ARMC1: variants seen among roughly 807,000 people sequenced by gnomAD.
ARMC1 encodes armadillo repeat containing 1, also known as armadillo repeat-containing protein 1.
In ARMC1, 16 loss-of-function variants were observed where a neutral mutation model predicts 31.4. That is an observed-to-expected ratio of 0.51 (90% CI 0.34 to 0.77). The LOEUF is 0.77. ARMC1 is among the 30% of genes least tolerant of loss of function. The probability of loss-of-function intolerance (pLI) is 0.01; values close to 1 mark genes in which losing one functional copy is unlikely to be tolerated. For synonymous variants in ARMC1, 114 were observed against 118.9 expected, an observed-to-expected ratio of 0.96 and a Z score of 0.27; for missense variants, 259 against 347.5, an observed-to-expected ratio of 0.75 and a Z score of 2.02.
At chr8:65,606,467 T>C (rs1808007531) in intron 4 of ARMC1, among the ~76,000 whole-genome samples, 2 of 152,202 alleles carry the variant, frequency 1.3e-5, no homozygotes, top group African/African-American at 4.8e-5. Context: ...TAGTGAGCAT[T>C]CAGTGTTTAA....
At chr8:65,628,215 C>T (rs1808555069) in intron 1 of ARMC1, among the ~76,000 whole-genome samples, 1 of 151,898 alleles carries the variant, frequency 6.6e-6, no homozygotes, top group Admixed American at 6.6e-5. Context: ...AACTCATCAG[C>T]AGTCTTTCCA....
At chr8:65,632,385 G>A (rs937158811) in intron 1 of ARMC1, among the ~76,000 whole-genome samples, 1 of 152,002 alleles carries the variant, frequency 6.6e-6, no homozygotes, top group African/African-American at 2.4e-5. Context: ...AGGCCGAGGC[G>A]AGCGGATTAC....
chr8:65,607,845 TTTTA>T (rs1436790539), intron 4 of ARMC1, among the ~76,000 whole-genome samples: 11 of 152,298 alleles, frequency 7.2e-5, no homozygotes, highest in Admixed American at 5.9e-4. Context: ...CTTTAATTTT[TTTTA>T]TTAAGTCTTG....
intron 2 of ARMC1, among the ~76,000 whole-genome samples, chr8:65,623,873 C>G (rs1463761134): frequency 7.7e-6 from 1 of 130,040 alleles, no homozygotes; most frequent in Non-Finnish European, 1.6e-5. Context: ...ACTCGGCCTA[C>G]TGCAACCTCC....
At chr8:65,618,909 G>A (rs1286906271) in intron 3 of ARMC1, among the ~76,000 whole-genome samples, 2 of 152,018 alleles carry the variant, frequency 1.3e-5, no homozygotes, top group Non-Finnish European at 2.9e-5. Flanking sequence ...CGGGCGTGGT[G>A]GCACGTACCT....
In ARMC1 at chr8:65,602,562, G is replaced by T. The variant is rs1048507349; in HGVS notation, c.*1832C>A. 6.6e-6 allele frequency: 1 copy of T among 152,114 alleles called. No individual in the cohort carries two copies. The highest frequency in any genetic ancestry group is 2.4e-5 in the African/African-American group (1 of 41,430). 9.4% of individuals were successfully genotyped at this position (152,114 alleles called of 1,614,324 possible). A position where few individuals can be genotyped will look rare whatever the true frequency, so the allele number is the denominator to read the frequency against. On this transcript the variant is annotated 3_prime_UTR_variant, in exon 7 of 7. Transcript: ENST00000276569. The stretch of plus-strand genomic sequence containing the variant: ...ACTACTCTATATGATCTGGAATAAA[G>T]AACTCTTAGAATTAGAACACACAAA...
chr8:65,615,703 T>A (rs925397493), intron 3 of ARMC1, among the ~76,000 whole-genome samples: 2 of 151,824 alleles, frequency 1.3e-5, no homozygotes, highest in African/African-American at 4.8e-5. Flanking sequence ...TGAGGCTCCC[T>A]CTTAAAAAGA....
intron 2 of ARMC1, among the ~76,000 whole-genome samples, chr8:65,623,333 G>A (rs537835618): frequency 1.8e-4 from 13 of 70,794 alleles, no homozygotes; most frequent in African/African-American, 3.6e-4. Context: ...AATGCTGGGC[G>A]CTGAGTGGCT....
intron 3 of ARMC1, among the ~76,000 whole-genome samples, chr8:65,619,080 T>A (rs1808338112): frequency 6.6e-6 from 1 of 152,022 alleles, no homozygotes; most frequent in Non-Finnish European, 1.5e-5. Flanking sequence ...AGGCAACTGC[T>A]GGTAAAAGCA....
intron 4 of ARMC1, among the ~76,000 whole-genome samples, chr8:65,611,098 TA>T (rs573499033): frequency 7.8e-4 from 118 of 152,090 alleles, no homozygotes; most frequent in African/African-American, 2.8e-3. Context: ...CACACCTGGC[TA>T]ATTTTTGTAT....
intron 1 of ARMC1, among the ~76,000 whole-genome samples, chr8:65,629,401 A>G (rs6983230): frequency 0.87 from 131,933 of 152,186 alleles, 57,644 homozygotes; most frequent in African/African-American, 0.96. Flanking sequence ...AAAGGCTGGC[A>G]GATAGGCAAA....
intron 3 of ARMC1, among the ~76,000 whole-genome samples, chr8:65,616,672 A>C (rs1360702851): frequency 5.2e-5 from 6 of 115,728 alleles, no homozygotes; most frequent in Admixed American, 1.7e-4. Flanking sequence ...GGCCGCCATC[A>C]CGTCTAGGAA....
intron 2 of ARMC1, among the ~76,000 whole-genome samples, chr8:65,626,033 C>A (rs1808504541): frequency 6.6e-6 from 1 of 151,938 alleles, no homozygotes; most frequent in African/African-American, 2.4e-5. Flanking sequence ...GGATTTCAGG[C>A]ACCCACCACC....
At chr8:65,619,000 G>A (rs759875508) in intron 3 of ARMC1, among the ~76,000 whole-genome samples, 4 of 151,814 alleles carry the variant, frequency 2.6e-5, no homozygotes, top group African/African-American at 7.3e-5. Context: ...CCGAGATCGC[G>A]CCACTGCACT....
chr8:65,631,388 C>G (rs946181254), intron 1 of ARMC1, among the ~76,000 whole-genome samples: 33 of 152,210 alleles, frequency 2.2e-4, no homozygotes, highest in Admixed American at 1.7e-3. Context: ...GTGCCTGCCA[C>G]CATGCCCGGC....
chr8:65,616,527 G>A (rs1448651592), intron 3 of ARMC1, among the ~76,000 whole-genome samples: 11 of 152,196 alleles, frequency 7.2e-5, no homozygotes, highest in African/African-American at 1.4e-4. Context: ...CCAAAGTGCC[G>A]AGATTGCAGC....
Position 65,613,316 on chromosome 8 carries a change from A to T in ARMC1, c.393T>A (p.Ala131=), listed in dbSNP as rs766912719. 7.6e-5 allele frequency: 122 copies of T among 1,612,582 alleles called. No individual in the cohort carries two copies. Among genetic ancestry groups the T allele is most frequent in the Admixed American group, 1.0e-4 (6 of 59,658 alleles). ...TGTTTGTAGTTCCCAGAAAAAATTG[A>T]GCTTTCCTTCGACGTGAATTCATCT... ...FNEMNSRRRK[A]QFFLGTTNKR... is the part of the protein sequence containing the mutation. Residue 131 remains alanine, a synonymous_variant, in exon 4 of 7, where the codon GCT becomes GCA. Coordinates refer to ENST00000276569, the MANE Select transcript of ARMC1 (RefSeq NM_018120.6).
intron 5 of ARMC1, 23 bp from the exon 6 acceptor site, chr8:65,605,360 A>T: frequency 1.2e-6 from 2 of 1,613,408 alleles, no homozygotes; most frequent in Middle Eastern, 1.7e-4. Context: ...AAAAAGGAAC[A>T]ATTTTGAAAT....
At chr8:65,611,780 C>CTT (rs1166154141) in intron 4 of ARMC1, among the ~76,000 whole-genome samples, 1 of 144,330 alleles carries the variant, frequency 6.9e-6, no homozygotes, top group African/African-American at 2.5e-5. Context: ...CTTTTTTTTT[C>CTT]TTTTTTTTTT....
Sources: allele counts gnomAD v4.1 joint callset (sites outside exome capture counted in the v4.1 genomes callset), GRCh38; gene constraint gnomAD v4.1.1; transcripts MANE v1.5; gene names NCBI Gene and HGNC (gene_info 2026-07-23, HGNC 2026-07-21).